SLC4A10: variants seen among roughly 807,000 people sequenced by gnomAD.
SLC4A10 encodes the protein sodium-driven chloride bicarbonate exchanger.
SLC4A10 carries 42 observed loss-of-function variants against 137.7 expected under a neutral mutation model. That is an observed-to-expected ratio of 0.30 (90% CI 0.24 to 0.39). The LOEUF (loss-of-function observed/expected upper bound fraction) is 0.39, where lower values mean the gene tolerates loss of function less well. Ranked by LOEUF, SLC4A10 falls within the 10% of genes least tolerant of loss-of-function variation. SLC4A10 has a pLI of 1.00. For synonymous variants in SLC4A10, 474 were observed against 464.1 expected (o/e 1.02, Z -0.27); for missense variants, 925 against 1,355.0 (o/e 0.68, Z 4.98).
chr2:161,960,577 G>A (rs866016996), intron 21 of SLC4A10, among the ~76,000 whole-genome samples: 5 of 151,512 alleles, frequency 3.3e-5, no homozygotes, highest in Admixed American at 6.6e-5. Flanking sequence ...AAAATCAGAC[G>A]GGTGTGGTGG....
intron 1 of SLC4A10, among the ~76,000 whole-genome samples, chr2:161,769,664 A>G (rs2051325401): frequency 6.6e-6 from 1 of 151,872 alleles, no homozygotes; most frequent in Admixed American, 6.6e-5. Context: ...AAAAATGTCT[A>G]TATGTTGTTT....
chr2:161,879,861 G>A (rs1038616217), intron 9 of SLC4A10, among the ~76,000 whole-genome samples: 1 of 151,980 alleles, frequency 6.6e-6, no homozygotes, highest in African/African-American at 2.4e-5. Flanking sequence ...TGAGTTAAAG[G>A]TACAAATTTA....
chr2:161,696,501 T>C (rs1054579118), intron 1 of SLC4A10, among the ~76,000 whole-genome samples: 21 of 118,282 alleles, frequency 1.8e-4, no homozygotes, highest in Non-Finnish European at 3.3e-4. Context: ...TTCCCCTTCC[T>C]GTGTCCATGT....
intron 1 of SLC4A10, among the ~76,000 whole-genome samples, chr2:161,655,056 A>G (rs2037319598): frequency 6.6e-6 from 1 of 152,074 alleles, no homozygotes. Flanking sequence ...TCCTTCTTCA[A>G]TCTTTTGTAA....
At position 161,933,195 on chromosome 2, in the gene SLC4A10, C is replaced by CTT. The variant is rs1464170228; in HGVS notation, c.1998-9595_1998-9594dup. 9.0e-5 allele frequency among the ~76,000 whole-genome samples: 7 copies of CTT among 77,550 alleles called. No individual in the cohort carries two copies. The East Asian group carries it at 2.6e-3, about 29-fold the overall frequency. 50.9% of individuals were successfully genotyped at this position (77,550 alleles called of 152,430 possible). A position where few individuals can be genotyped will look rare whatever the true frequency, so the allele number is the denominator to read the frequency against. ...TTCCCCTTCCTTCTTTTCTTTCTTT[C>CTT]TTTCTTTCTTTCTTTCTTTCTTTCT... On this transcript the variant is annotated intron_variant, in intron 15 of 26. Transcript: ENST00000446997.
chr2:161,892,048 A>G (rs766041025), intron 10 of SLC4A10, among the ~76,000 whole-genome samples: 13 of 152,070 alleles, frequency 8.5e-5, no homozygotes, highest in Non-Finnish European at 1.3e-4. Context: ...TAATTAAGCT[A>G]TTGATAACAT....
intron 15 of SLC4A10, among the ~76,000 whole-genome samples, chr2:161,936,395 C>A (rs1443766439): frequency 4.6e-5 from 7 of 152,080 alleles, no homozygotes; most frequent in Non-Finnish European, 1.0e-4. Flanking sequence ...GATTTCAGCA[C>A]TGAAGCCATC....
chr2:161,940,943 TAAAAACA>T (rs1692574949), intron 15 of SLC4A10, among the ~76,000 whole-genome samples: 1 of 151,944 alleles, frequency 6.6e-6, no homozygotes, highest in Non-Finnish European at 1.5e-5. Flanking sequence ...GTCTATATTT[TAAAAACA>T]AAAAACAAAA....
chr2:161,773,652 T>TA (rs1244098554), intron 2 of SLC4A10, among the ~76,000 whole-genome samples: 1 of 151,898 alleles, frequency 6.6e-6, no homozygotes, highest in Non-Finnish European at 1.5e-5. Context: ...GCCAGATGTT[T>TA]AAAAATATCT....
chr2:161,771,547 A>C (rs2051615328), intron 2 of SLC4A10, among the ~76,000 whole-genome samples: 1 of 151,856 alleles, frequency 6.6e-6, no homozygotes, highest in Non-Finnish European at 1.5e-5. Flanking sequence ...TGGGTTCTGA[A>C]ACCAGACTGC....
At chr2:161,898,892 A>G (rs1244773532) in intron 11 of SLC4A10, among the ~76,000 whole-genome samples, 2 of 152,140 alleles carry the variant, frequency 1.3e-5, no homozygotes, top group Non-Finnish European at 2.9e-5. Context: ...CAGGTTCATC[A>G]TACTACACTT....
intron 1 of SLC4A10, among the ~76,000 whole-genome samples, chr2:161,660,375 T>C (rs1266177543): frequency 2.6e-5 from 4 of 152,228 alleles, no homozygotes. Flanking sequence ...TGCTAAGGCA[T>C]GAGTATCCAA....
At chr2:161,822,037 C>A (rs1364104378) in intron 3 of SLC4A10, among the ~76,000 whole-genome samples, 2 of 152,180 alleles carry the variant, frequency 1.3e-5, no homozygotes, top group African/African-American at 4.8e-5. Flanking sequence ...GAATACCTGA[C>A]ACCCTATCTC....
chr2:161,894,367 A>T (rs2063227222), intron 10 of SLC4A10, among the ~76,000 whole-genome samples: 1 of 151,996 alleles, frequency 6.6e-6, no homozygotes, highest in African/African-American at 2.4e-5. Context: ...CCAGAAACTG[A>T]TTTTCCCATA....
At chr2:161,727,747 G>T (rs1309928171) in intron 1 of SLC4A10, among the ~76,000 whole-genome samples, 1 of 151,986 alleles carries the variant, frequency 6.6e-6, no homozygotes, top group African/African-American at 2.4e-5. Context: ...AGAATAGAAA[G>T]AATGAGAAAA....
chr2:161,933,183 T>C (rs996309804), intron 15 of SLC4A10, among the ~76,000 whole-genome samples: 8 of 97,620 alleles, frequency 8.2e-5, no homozygotes, highest in Admixed American at 4.6e-4. Flanking sequence ...CCCTTCCTTC[T>C]TTTCTTTCTT....
intron 18 of SLC4A10, 108 bp from the exon 19 acceptor site, chr2:161,950,579 G>T (rs1220527206): frequency 1.4e-5 from 13 of 954,154 alleles, no homozygotes; most frequent in South Asian, 3.3e-5. Flanking sequence ...AGGCCACTCA[G>T]CTCCTCTGTT....
intron 15 of SLC4A10, among the ~76,000 whole-genome samples, chr2:161,929,521 C>A (rs911030233): frequency 6.6e-6 from 1 of 152,180 alleles, no homozygotes; most frequent in Non-Finnish European, 1.5e-5. Context: ...TTTTTACATG[C>A]ACCTAAGCTA....
chr2:161,673,382 A>G (rs2039944266), intron 1 of SLC4A10, among the ~76,000 whole-genome samples: 1 of 152,172 alleles, frequency 6.6e-6, no homozygotes, highest in South Asian at 2.1e-4. Flanking sequence ...AATTGTAATC[A>G]TGGTTCCCAA....
Sources: allele counts gnomAD v4.1 joint callset (sites outside exome capture counted in the v4.1 genomes callset), GRCh38; gene constraint gnomAD v4.1.1; transcripts MANE v1.5; gene names NCBI Gene and HGNC (gene_info 2026-07-23, HGNC 2026-07-21).